DNM3: variants seen among roughly 807,000 people sequenced by gnomAD.
DNM3 encodes the protein dynamin-3.
DNM3 carries 47 observed loss-of-function variants against 101.6 expected under a neutral mutation model. That is an observed-to-expected ratio of 0.46 (90% CI 0.37 to 0.59). The LOEUF is 0.59. Among genes scored for constraint, DNM3 ranks in the 20% least tolerant of loss-of-function variants. The pLI, the probability that DNM3 is intolerant of heterozygous loss-of-function variation, is 0.00. For synonymous variants in DNM3, 385 were observed against 387.9 expected, an observed-to-expected ratio of 0.99 and a Z score of 0.09; for missense variants, 849 against 1,085.7, an observed-to-expected ratio of 0.78 and a Z score of 3.06.
intron 1 of DNM3, among the ~76,000 whole-genome samples, chr1:171,916,109 C>T (rs1481716333): frequency 6.6e-6 from 1 of 152,142 alleles, no homozygotes; most frequent in Non-Finnish European, 1.5e-5. Flanking sequence ...AAATAAGGAC[C>T]ACTCATTTTC....
At chr1:172,166,982 C>CATAT (rs2058768579) in intron 14 of DNM3, among the ~76,000 whole-genome samples, 1 of 151,382 alleles carries the variant, frequency 6.6e-6, no homozygotes. Context: ...AGGTTTGTTA[C>CATAT]ATATGTATAC....
chr1:172,401,836 T>C (rs1396151248), intron 20 of DNM3, among the ~76,000 whole-genome samples: 1 of 152,234 alleles, frequency 6.6e-6, no homozygotes, highest in Non-Finnish European at 1.5e-5. Flanking sequence ...ATGACTGTTA[T>C]AGCATTTTTC....
chr1:172,152,798 G>C (rs776466741), intron 14 of DNM3, among the ~76,000 whole-genome samples: 1 of 152,110 alleles, frequency 6.6e-6, no homozygotes, highest in African/African-American at 2.4e-5. Flanking sequence ...TGTGCATGCG[G>C]ACAGAAACTG....
At chr1:171,893,846 G>A (rs915264699) in intron 1 of DNM3, among the ~76,000 whole-genome samples, 1 of 152,092 alleles carries the variant, frequency 6.6e-6, no homozygotes, top group African/African-American at 2.4e-5. Context: ...GCAGTTACAT[G>A]AAATAGCTAA....
Position 172,199,348 on chromosome 1 carries a change from T to C in DNM3, c.1660-54225T>C, listed in dbSNP as rs553998361. ...TCCAATTATATGGTCTATTTTAGAG[T>C]ACATGCCCTGTAGCAAGGAGAAGAA... On this transcript the variant is annotated intron_variant, in intron 14 of 20. Coordinates refer to ENST00000627582, the MANE Select transcript of DNM3 (RefSeq NM_015569.5). Among the ~76,000 whole-genome samples, 134 of 152,218 alleles carry C rather than the reference T, an allele frequency of 8.8e-4. 1 individual carries two copies. In the South Asian group the frequency reaches 0.025, roughly 28 times the overall value.
At chr1:172,217,473 GA>G (rs1302890089) in intron 14 of DNM3, among the ~76,000 whole-genome samples, 102 of 152,214 alleles carry the variant, frequency 6.7e-4, no homozygotes, top group Middle Eastern at 3.4e-3. Context: ...GATTCAATGG[GA>G]CAAGGCTCTA....
At chr1:172,111,674 A>T (rs888811028) in intron 13 of DNM3, among the ~76,000 whole-genome samples, 55 of 152,228 alleles carry the variant, frequency 3.6e-4, no homozygotes, top group African/African-American at 1.3e-3. Context: ...CACAGCAAAC[A>T]CAGTGGCGAG....
chr1:172,018,286 C>G (rs905852257), intron 4 of DNM3, among the ~76,000 whole-genome samples: 4 of 151,738 alleles, frequency 2.6e-5, no homozygotes, highest in African/African-American at 9.7e-5. Flanking sequence ...GTTTTTGTAT[C>G]CCACTCTTTT....
At chr1:172,109,664 G>A (rs1292638353) in intron 13 of DNM3, among the ~76,000 whole-genome samples, 1 of 152,150 alleles carries the variant, frequency 6.6e-6, no homozygotes, top group Non-Finnish European at 1.5e-5. Flanking sequence ...ACTAGTTTAC[G>A]GGATTAACAA....
At chr1:171,859,868 C>T (rs189642264) in intron 1 of DNM3, among the ~76,000 whole-genome samples, 232 of 152,136 alleles carry the variant, frequency 1.5e-3, no homozygotes, top group African/African-American at 5.4e-3. Context: ...AAAAAGCATT[C>T]CTTGCAGAAG....
At chr1:171,928,356 C>T (rs1049095674) in intron 2 of DNM3, among the ~76,000 whole-genome samples, 2 of 152,098 alleles carry the variant, frequency 1.3e-5, no homozygotes, top group Non-Finnish European at 2.9e-5. Context: ...CTTGTGTTCC[C>T]TCCTCCACTT....
intron 17 of DNM3, among the ~76,000 whole-genome samples, chr1:172,374,928 A>C (rs1391239563): frequency 2.0e-5 from 3 of 152,070 alleles, no homozygotes; most frequent in African/African-American, 7.2e-5. Flanking sequence ...ATCCCTTAAT[A>C]CCCTGATTCT....
chr1:172,008,227 T>C (rs1249172291), intron 4 of DNM3, among the ~76,000 whole-genome samples: 2 of 152,068 alleles, frequency 1.3e-5, no homozygotes, highest in African/African-American at 2.4e-5. Context: ...TTGTCTGTTT[T>C]TGCTTTTGTT....
intron 2 of DNM3, among the ~76,000 whole-genome samples, chr1:171,922,590 G>A (rs777710566): frequency 1.3e-5 from 2 of 152,212 alleles, no homozygotes; most frequent in East Asian, 3.8e-4. Flanking sequence ...CAGTTGAATA[G>A]ATTTTAGTCT....
At chr1:172,009,027 A>ATAT in intron 4 of DNM3, among the ~76,000 whole-genome samples, 1 of 138,422 alleles carries the variant, frequency 7.2e-6, no homozygotes, top group Middle Eastern at 3.8e-3. Context: ...ACTTATTTAT[A>ATAT]TATACAATAT....
rs139180007 is a variant in DNM3 at position 172,052,784 on chromosome 1, C to G, written c.1335+4034C>G. On this transcript the variant is annotated intron_variant, in intron 10 of 20. Coordinates refer to ENST00000627582, the MANE Select transcript of DNM3 (RefSeq NM_015569.5). ...CACAGAGCTTACTCCTGGTTTTATT[C>G]TCTTCTTACTATATTTTCTCCTTGA... Among the ~76,000 whole-genome samples the G allele has an allele frequency of 2.0e-3, 305 of 152,242 alleles. 2 individuals are homozygous for G. Among genetic ancestry groups the G allele is most frequent in the African/African-American group, 7.1e-3 (295 of 41,550 alleles).
intron 1 of DNM3, among the ~76,000 whole-genome samples, chr1:171,908,419 C>T (rs1489851649): frequency 2.0e-5 from 3 of 152,052 alleles, no homozygotes; most frequent in Admixed American, 1.3e-4. Context: ...ATTATAAGTG[C>T]TTATATTTTG....
intron 1 of DNM3, among the ~76,000 whole-genome samples, chr1:171,921,037 C>T (rs1165895349): frequency 6.6e-6 from 1 of 152,184 alleles, no homozygotes; most frequent in Non-Finnish European, 1.5e-5. Flanking sequence ...GATCCTCCCA[C>T]CTCAGCCTTC....
intron 2 of DNM3, among the ~76,000 whole-genome samples, chr1:171,963,068 T>C (rs2043324190): frequency 6.6e-6 from 1 of 152,136 alleles, no homozygotes; most frequent in African/African-American, 2.4e-5. Flanking sequence ...TTTGTGTCCC[T>C]ACAGAAACTG....
Sources: allele counts gnomAD v4.1 joint callset (sites outside exome capture counted in the v4.1 genomes callset), GRCh38; gene constraint gnomAD v4.1.1; transcripts MANE v1.5; gene names NCBI Gene and HGNC (gene_info 2026-07-23, HGNC 2026-07-21).